The following WDR48 variants were observed in gnomAD, a reference collection of about 807,000 sequenced individuals.
The protein encoded by WDR48 is WD repeat-containing protein 48.
In WDR48, 22 loss-of-function variants were observed where a neutral mutation model predicts 94.0. The ratio of observed to expected loss-of-function variants is 0.23; its 90% CI spans 0.17 to 0.33. The LOEUF is 0.33. Among genes scored for constraint, WDR48 ranks in the 10% least tolerant of loss-of-function variants. WDR48 has a pLI of 1.00. For missense variants in WDR48, 541 were observed against 813.8 expected (o/e 0.66, Z 4.08); for synonymous variants, 278 against 280.5 (o/e 0.99, Z 0.09).
chr3:39,074,489 T>C (rs113917716), intron 7 of WDR48, among the ~76,000 whole-genome samples: 8 of 152,318 alleles, frequency 5.3e-5, no homozygotes, highest in African/African-American at 1.9e-4. Context: ...GATTAGTGAA[T>C]TGATCAACAA....
rs2033819659 is a variant in WDR48, at chr3:39,069,717, A to G, written c.645A>G (p.Ala215=). Residue 215 remains alanine (A), a synonymous_variant, in exon 7 of 19, where the codon GCA becomes GCG. Transcript: ENST00000302313. ...AAGGGCACACGGATAATGTGAAGGCATTGCTATTAAACAGAGATGGCACGC... is the reference window on the plus strand; with the variant it reads ...AAGGGCACACGGATAATGTGAAGGCGTTGCTATTAAACAGAGATGGCACGC... ...KLKGHTDNVK[A]LLLNRDGTQC... The G allele has an allele frequency of 1.2e-6, 2 of 1,613,548 alleles. No homozygotes were observed. Among genetic ancestry groups the G allele is most frequent in the Non-Finnish European group, 1.7e-6 (2 of 1,179,630 alleles).
intron 1 of WDR48, among the ~76,000 whole-genome samples, chr3:39,056,977 A>T (rs1422196454): frequency 6.6e-6 from 1 of 152,170 alleles, no homozygotes; most frequent in Non-Finnish European, 1.5e-5. Context: ...AAGCCTTCTG[A>T]GAAAATAAAG....
chr3:39,055,871 G>A (rs756987195), intron 1 of WDR48, among the ~76,000 whole-genome samples: 10 of 152,146 alleles, frequency 6.6e-5, no homozygotes, highest in African/African-American at 9.7e-5. Context: ...TTAACTTGCT[G>A]CCACTTCTAG....
chr3:39,084,772 C>A, intron 13 of WDR48, 31 bp downstream of exon 13: 1 of 1,587,066 alleles, frequency 6.3e-7, no homozygotes, highest in South Asian at 1.1e-5. Flanking sequence ...TTTTTTTCCT[C>A]CCTTCTAAAG....
rs927694244 is a variant in WDR48 at position 39,095,495 on chromosome 3, C to T, written c.*752C>T. On this transcript the variant is annotated 3_prime_UTR_variant, in exon 19 of 19. Coordinates refer to ENST00000302313, the MANE Select transcript of WDR48 (RefSeq NM_020839.4). ...ACCCCAGGGAGGTGCAGCAGTTTCA[C>T]TCCTTCCTCCACTGTGTCCAGTTTT... The T allele has an allele frequency of 3.9e-5, 6 of 152,230 alleles. No homozygotes were observed. In the East Asian group the frequency reaches 5.8e-4, roughly 15 times the overall value. 9.4% of individuals were successfully genotyped at this position (152,230 alleles called of 1,614,324 possible).
In WDR48 at chr3:39,063,104, G is replaced by T; in HGVS notation, c.103G>T (p.Ala35Ser). ...VEKYNRNGVN[A>S]LQLDPALNRL... ...GAAGTACAACCGAAATGGAGTCAAT[G>T]CTCTGCAGCTGGATCCAGCACTAAA... Residue 35 changes from alanine (A) to serine (S), a missense_variant, in exon 2 of 19, where the codon GCT becomes TCT. Ala to Ser is a moderately conservative substitution (Grantham distance 99, BLOSUM62 1). Coordinates refer to ENST00000302313, the MANE Select transcript of WDR48 (RefSeq NM_020839.4). The T allele has an allele frequency of 1.2e-6, 2 of 1,614,108 alleles. No homozygotes were observed. The highest frequency in any genetic ancestry group is 1.7e-6 in the Non-Finnish European group (2 of 1,180,000).
rs745334870 is a variant in WDR48 at position 39,094,659 on chromosome 3, A to C, written c.1950A>C (p.Pro650=). 2 of 1,614,208 alleles carry C rather than the reference A, an allele frequency of 1.2e-6. No homozygotes were observed. Among genetic ancestry groups the C allele is most frequent in the Admixed American group, 3.3e-5 (2 of 60,022 alleles). ...TTTTGGCTATTCAGGTTTTGGATCC[A>C]AATATGGACCTTCGAACAGTGAAAC... The part of the protein sequence containing the change: ...ELLCQDQVLD[P]NMDLRTVKHF... The change falls in exon 19 of 19, where the codon CCA becomes CCC. Residue 650 remains proline, a synonymous_variant. Coordinates refer to ENST00000302313, the MANE Select transcript of WDR48 (RefSeq NM_020839.4).
intron 1 of WDR48, among the ~76,000 whole-genome samples, chr3:39,057,999 A>G (rs2033007771): frequency 6.6e-6 from 1 of 152,244 alleles, no homozygotes; most frequent in South Asian, 2.1e-4. Context: ...ACATTTTTAT[A>G]ATAATGACTA....
At chr3:39,088,032 A>G (rs550119064) in intron 14 of WDR48, 96 bp from the exon 15 acceptor site, 1 of 1,149,616 alleles carries the variant, frequency 8.7e-7, no homozygotes, top group South Asian at 1.4e-5. Flanking sequence ...ATTTGAATTT[A>G]ATCTTGCAAT....
At chr3:39,065,628 A>G (rs1390468283) in intron 2 of WDR48, among the ~76,000 whole-genome samples, 183 bp from the exon 3 acceptor site, 1 of 152,204 alleles carries the variant, frequency 6.6e-6, no homozygotes, top group Non-Finnish European at 1.5e-5. Context: ...TCCTGAAACA[A>G]AACTGTTTAC....
intron 2 of WDR48, among the ~76,000 whole-genome samples, chr3:39,064,005 G>C (rs762889530): frequency 6.6e-6 from 1 of 152,140 alleles, no homozygotes; most frequent in Non-Finnish European, 1.5e-5. Flanking sequence ...AAGACAACAT[G>C]CTCCCCTTCA....
intron 11 of WDR48, among the ~76,000 whole-genome samples, 198 bp from the exon 12 acceptor site, chr3:39,083,957 C>T (rs907412640): frequency 6.6e-6 from 1 of 152,152 alleles, no homozygotes; most frequent in African/African-American, 2.4e-5. Flanking sequence ...TTCCCAAATA[C>T]TATTTTGTGC....
intron 7 of WDR48, among the ~76,000 whole-genome samples, chr3:39,074,407 A>G (rs2034103246): frequency 6.6e-6 from 1 of 152,234 alleles, no homozygotes; most frequent in South Asian, 2.1e-4. Flanking sequence ...ACATGAGTGA[A>G]TTGATCAACA....
intron 5 of WDR48, 96 bp downstream of exon 5, chr3:39,066,971 A>G: frequency 7.0e-7 from 1 of 1,431,700 alleles, no homozygotes; most frequent in South Asian, 1.3e-5. Context: ...GCATCGAGAG[A>G]GTGTTTCATA....
At chr3:39,069,562 A>G in intron 6 of WDR48, 81 bp from the exon 7 acceptor site, 1 of 1,226,636 alleles carries the variant, frequency 8.2e-7, no homozygotes, top group Non-Finnish European at 1.2e-6. Flanking sequence ...AATGGTTATC[A>G]TTTGACTTAT....
chr3:39,073,050 C>T (rs763318183), intron 7 of WDR48, among the ~76,000 whole-genome samples: 1 of 152,148 alleles, frequency 6.6e-6, no homozygotes, highest in Non-Finnish European at 1.5e-5. Flanking sequence ...GACTTCTAAC[C>T]ATCATATCTT....
chr3:39,094,488 T>G (rs2035239980), intron 18 of WDR48, 160 bp from the exon 19 acceptor site: 4 of 1,535,242 alleles, frequency 2.6e-6, no homozygotes, highest in Non-Finnish European at 1.7e-6. Context: ...TAAGCTCAAT[T>G]TCATTCCCGC....
intron 14 of WDR48, among the ~76,000 whole-genome samples, chr3:39,086,008 C>T (rs2034791359): frequency 6.6e-6 from 1 of 152,198 alleles, no homozygotes; most frequent in Non-Finnish European, 1.5e-5. Context: ...AGTCACTCTT[C>T]ATGTTGGGCT....
chr3:39,062,982 TAG>T, intron 1 of WDR48, 66 bp from the exon 2 acceptor site: 1 of 1,575,778 alleles, frequency 6.3e-7, no homozygotes, highest in Non-Finnish European at 8.6e-7. Flanking sequence ...GATTGGCCAC[TAG>T]TAGACTATAT....
Sources: gnomAD v4.1 joint callset for allele counts (sites outside exome capture counted in the v4.1 genomes callset) on GRCh38, gnomAD v4.1.1 for gene constraint, MANE v1.5 for transcripts, NCBI Gene and HGNC (gene_info 2026-07-23, HGNC 2026-07-21) for gene names.